TUBGCP3: variants seen among roughly 807,000 people sequenced by gnomAD.
The protein encoded by TUBGCP3 is tubulin gamma complex component 3.
In TUBGCP3, 50 loss-of-function variants were observed where a neutral mutation model predicts 123.1. That is an observed-to-expected ratio of 0.41 (90% CI 0.32 to 0.51). TUBGCP3 has a LOEUF of 0.51. Among genes scored for constraint, TUBGCP3 ranks in the 20% least tolerant of loss-of-function variants. The probability of loss-of-function intolerance (pLI) is 0.36; values close to 1 mark genes in which losing one functional copy is unlikely to be tolerated. For synonymous variants in TUBGCP3, 405 were observed against 413.9 expected (o/e 0.98, Z 0.26); for missense variants, 882 against 1,127.0 (o/e 0.78, Z 3.11).
chr13:112,546,135 C>A, intron 10 of TUBGCP3: 1 of 363,180 alleles, frequency 2.8e-6, no homozygotes, highest in African/African-American at 2.0e-5. Context: ...CAAAAAGTAG[C>A]AAAAAATTGC....
chr13:112,537,663 A>T (rs9550128), intron 11 of TUBGCP3, among the ~76,000 whole-genome samples: 22,159 of 152,044 alleles, frequency 0.15, 1,926 homozygotes, highest in Non-Finnish European at 0.2. Context: ...ATCCTATTCT[A>T]TTTTTTTAAG....
chr13:112,501,627 T>C (rs1186100845), intron 19 of TUBGCP3, among the ~76,000 whole-genome samples: 1 of 152,258 alleles, frequency 6.6e-6, no homozygotes, highest in Non-Finnish European at 1.5e-5. Context: ...AAATTGCTTA[T>C]GTCAATAATA....
chr13:112,519,740 G>A lies in TUBGCP3; in HGVS notation c.1881+146C>T, dbSNP rs2139060045. 9.4e-7 allele frequency: 1 copy of A among 1,069,302 alleles called. No homozygotes were observed. Among genetic ancestry groups the A allele is most frequent in the South Asian group, 1.9e-5 (1 of 52,428 alleles). 66.2% of individuals were successfully genotyped at this position (1,069,302 alleles called of 1,614,324 possible). A position where few individuals can be genotyped will look rare whatever the true frequency, so the allele number is the denominator to read the frequency against. On this transcript the variant is annotated intron_variant, in intron 15 of 21. Coordinates refer to ENST00000261965, the MANE Select transcript of TUBGCP3 (RefSeq NM_006322.6). The surrounding 1 kb of genome is among the most constrained non-coding windows in gnomAD (Gnocchi z 6.2). ...TGACCAGGCAGTAACAAGCCACAGA[G>A]TGGAGTTCCTACTCAGGCTGCCCAG... is the stretch of plus-strand genomic sequence containing the variant.
chr13:112,546,735 G>GA (rs1296840442), intron 10 of TUBGCP3: 15 of 152,436 alleles, frequency 9.8e-5, no homozygotes, highest in Non-Finnish European at 1.6e-4. Context: ...GAGTTTGGGG[G>GA]ATCCAGTTCC....
chr13:112,518,840 C>A, intron 16 of TUBGCP3, 135 bp downstream of exon 16: 2 of 707,576 alleles, frequency 2.8e-6, no homozygotes, highest in South Asian at 3.6e-5. Flanking sequence ...CTTAAGTATT[C>A]ATTCAATGAG....
At chr13:112,554,207 T>TA (rs1311338320) in intron 7 of TUBGCP3, 25 bp from the exon 8 acceptor site, 1 of 1,611,062 alleles carries the variant, frequency 6.2e-7, no homozygotes, top group Non-Finnish European at 8.5e-7. Context: ...CATCAAATGT[T>TA]AAACATTAAA....
intron 20 of TUBGCP3, among the ~76,000 whole-genome samples, chr13:112,497,893 T>C (rs528232867): frequency 6.6e-6 from 1 of 152,348 alleles, no homozygotes; most frequent in East Asian, 1.9e-4. Context: ...CATCATGTGG[T>C]ACATGACTGT....
rs574208678 is a variant in TUBGCP3, at chr13:112,586,011, G to A, written c.76+1894C>T. ...TCCCAGCACTTCGGGAGGCCGAGGCGGGTGCATCACGAGGTCAGGAGATCG... is the reference window on the plus strand; with the variant it reads ...TCCCAGCACTTCGGGAGGCCGAGGCAGGTGCATCACGAGGTCAGGAGATCG... On this transcript the variant is annotated intron_variant, in intron 1 of 21. Transcript: ENST00000261965. Among the ~76,000 whole-genome samples, 11 of 152,038 alleles carry A rather than the reference G, an allele frequency of 7.2e-5. No individual in the cohort carries two copies. The East Asian group carries it at 1.7e-3, about 24-fold the overall frequency.
intron 3 of TUBGCP3, among the ~76,000 whole-genome samples, chr13:112,564,535 G>A (rs908899639): frequency 7.2e-5 from 11 of 152,138 alleles, no homozygotes; most frequent in Non-Finnish European, 2.9e-5. Flanking sequence ...AAAATACAAG[G>A]CTGGGCTTGG....
chr13:112,513,928 G>C (rs1875849905), intron 17 of TUBGCP3, among the ~76,000 whole-genome samples: 1 of 152,100 alleles, frequency 6.6e-6, no homozygotes, highest in Admixed American at 6.5e-5. Flanking sequence ...GTTCTGAGTA[G>C]TGATGAAATC....
At chr13:112,500,682 T>C (rs190211907) in intron 19 of TUBGCP3, among the ~76,000 whole-genome samples, 43 of 152,290 alleles carry the variant, frequency 2.8e-4, no homozygotes, top group Admixed American at 2.5e-3. Context: ...GTTCCAAGCC[T>C]GTGGTTGGGA....
intron 16 of TUBGCP3, 27 bp downstream of exon 16, chr13:112,518,947 AC>A: frequency 6.3e-7 from 1 of 1,592,662 alleles, no homozygotes. Context: ...AGTTGTAAAT[AC>A]TATAAAATGA....
At chr13:112,563,579 T>C (rs764021000) in intron 3 of TUBGCP3, among the ~76,000 whole-genome samples, 6 of 151,620 alleles carry the variant, frequency 4.0e-5, no homozygotes, top group African/African-American at 9.7e-5. Flanking sequence ...AGTGTCTAAA[T>C]AGGGCCAGGC....
At chr13:112,531,653 A>C (rs1877587147) in intron 11 of TUBGCP3, among the ~76,000 whole-genome samples, 1 of 152,188 alleles carries the variant, frequency 6.6e-6, no homozygotes. Context: ...AAGCCATAAA[A>C]AACCTCAGGC....
chr13:112,522,087 G>C (rs1876673264), intron 14 of TUBGCP3, among the ~76,000 whole-genome samples: 1 of 152,182 alleles, frequency 6.6e-6, no homozygotes, highest in African/African-American at 2.4e-5. Flanking sequence ...AGAAATGCCA[G>C]TTTCTCTTAT....
At chr13:112,578,031 G>A (rs1037423011) in intron 1 of TUBGCP3, among the ~76,000 whole-genome samples, 9 of 152,142 alleles carry the variant, frequency 5.9e-5, no homozygotes, top group African/African-American at 1.9e-4. Context: ...TCTGACTAAC[G>A]TAAAAGAGTC....
Position 112,524,203 on chromosome 13 carries a change from A to C in TUBGCP3, c.1556-1694T>G, listed in dbSNP as rs939313675. Among the ~76,000 whole-genome samples the C allele has an allele frequency of 1.3e-5, 2 of 152,186 alleles. No homozygotes were observed. The highest frequency in any genetic ancestry group is 2.9e-5 in the Non-Finnish European group (2 of 68,036). On this transcript the variant is annotated intron_variant, in intron 13 of 21. Transcript: ENST00000261965. The surrounding 1 kb of genome is among the most constrained non-coding windows in gnomAD (Gnocchi z 4.4). The stretch of plus-strand genomic sequence containing the variant: ...CCCATATACGGTAAATCATCTCTAA[A>C]TTACTTATAATATCTAGCGCAATGT...
intron 20 of TUBGCP3, among the ~76,000 whole-genome samples, chr13:112,490,345 T>A (rs1236890348): frequency 6.6e-6 from 1 of 152,252 alleles, no homozygotes; most frequent in East Asian, 1.9e-4. Context: ...AACCTCGGCC[T>A]CCTGGGTTCA....
chr13:112,502,477 G>A (rs1005427184), intron 19 of TUBGCP3, among the ~76,000 whole-genome samples: 34 of 151,680 alleles, frequency 2.2e-4, no homozygotes, highest in Non-Finnish European at 4.6e-4. Context: ...GTTTTACTCC[G>A]ATAACAAGAC....
Sources: allele counts gnomAD v4.1 joint callset (sites outside exome capture counted in the v4.1 genomes callset), GRCh38; gene constraint gnomAD v4.1.1; non-coding constraint Gnocchi (gnomAD v3.1); transcripts MANE v1.5; gene names NCBI Gene and HGNC (gene_info 2026-07-23, HGNC 2026-07-21).